CDH19: variants seen among roughly 807,000 people sequenced by gnomAD.
The protein encoded by CDH19 is cadherin 19, also known as cadherin-19.
In CDH19, 67 loss-of-function variants were observed where a neutral mutation model predicts 64.2. The observed-to-expected ratio is 1.04, with a 90% CI of 0.86 to 1.28. CDH19 has a LOEUF of 1.28. CDH19 is among the 50% of genes most tolerant of loss of function. The pLI is 0.00. For missense variants in CDH19, 1,030 were observed against 929.0 expected, an observed-to-expected ratio of 1.11 and a Z score of -1.41; for synonymous variants, 346 against 319.3, an observed-to-expected ratio of 1.08 and a Z score of -0.89.
chr18:66,542,520 T>C lies in CDH19; in HGVS notation c.1214+1451A>G, dbSNP rs1423843469. ...AACAAAATATAAAACAAAAGCAAAATAAATTATAACATAGTAACTGAAAAT... is the reference window on the plus strand; with the variant it reads ...AACAAAATATAAAACAAAAGCAAAACAAATTATAACATAGTAACTGAAAAT... On this transcript the variant is annotated intron_variant, in intron 7 of 11. Transcript: ENST00000262150. Among the ~76,000 whole-genome samples, 3 of 152,060 alleles carry C rather than the reference T, an allele frequency of 2.0e-5. No individual in the cohort carries two copies. The East Asian group carries it at 5.8e-4, about 29-fold the overall frequency.
chr18:66,521,736 A>T (rs6566215), intron 9 of CDH19, among the ~76,000 whole-genome samples: 24,034 of 151,164 alleles, frequency 0.16, 1,980 homozygotes, highest in Admixed American at 0.18. Flanking sequence ...GGAATTTCAC[A>T]GTGTGAAAGT....
chr18:66,531,566 T>G (rs890140619), intron 8 of CDH19, among the ~76,000 whole-genome samples: 1 of 152,114 alleles, frequency 6.6e-6, no homozygotes, highest in African/African-American at 2.4e-5. Flanking sequence ...CAGTGAGCTG[T>G]GATCGGGCTA....
chr18:66,570,169 T>C (rs1172379314), intron 2 of CDH19, among the ~76,000 whole-genome samples: 1 of 151,648 alleles, frequency 6.6e-6, no homozygotes, highest in Admixed American at 6.6e-5. Flanking sequence ...AATTATATCA[T>C]TTCAATATGA....
At chr18:66,557,006 G>T (rs926008181) in intron 3 of CDH19, among the ~76,000 whole-genome samples, 1 of 151,828 alleles carries the variant, frequency 6.6e-6, no homozygotes, top group Non-Finnish European at 1.5e-5. Flanking sequence ...ACAATATGGA[G>T]GTTCCTAAAG....
chr18:66,537,399 A>T (rs1986715289), intron 7 of CDH19, among the ~76,000 whole-genome samples: 1 of 151,920 alleles, frequency 6.6e-6, no homozygotes, highest in Non-Finnish European at 1.5e-5. Context: ...AATAACACAG[A>T]CATGATATAC....
chr18:66,599,985 G>T (rs1599049795), intron 1 of CDH19, among the ~76,000 whole-genome samples: 1 of 151,886 alleles, frequency 6.6e-6, no homozygotes, highest in African/African-American at 2.4e-5. Flanking sequence ...TTATGAAACA[G>T]TCGTGAATAT....
chr18:66,511,818 A>G lies in CDH19; in HGVS notation c.1459-133T>C, dbSNP rs1985505610. On this transcript the variant is annotated intron_variant, in intron 9 of 11. Coordinates refer to ENST00000262150, the MANE Select transcript of CDH19 (RefSeq NM_021153.4). Reference sequence around the variant, plus strand: ...GGACATTGCAGAAAATAACTGTCAAATCAGTGGAGAATATTAAAATGTTTT... The same window carrying G: ...GGACATTGCAGAAAATAACTGTCAAGTCAGTGGAGAATATTAAAATGTTTT... 6 of 627,080 alleles carry G rather than the reference A, an allele frequency of 9.6e-6. No homozygotes were observed. The East Asian group carries it at 1.2e-4, about 12-fold the overall frequency. 38.8% of individuals were successfully genotyped at this position (627,080 alleles called of 1,614,324 possible). A position where few individuals can be genotyped will look rare whatever the true frequency, so the allele number is the denominator to read the frequency against.
At chr18:66,565,832 A>T (rs1363529597) in intron 3 of CDH19, among the ~76,000 whole-genome samples, 1 of 151,882 alleles carries the variant, frequency 6.6e-6, no homozygotes, top group Non-Finnish European at 1.5e-5. Flanking sequence ...TCTCCCTCTC[A>T]TGGAAAGGTT....
At chr18:66,538,928 G>A (rs1296964751) in intron 7 of CDH19, among the ~76,000 whole-genome samples, 1 of 152,036 alleles carries the variant, frequency 6.6e-6, no homozygotes, top group Non-Finnish European at 1.5e-5. Context: ...GCTCAGGTAT[G>A]ACCTTATCTT....
At chr18:66,530,872 A>T (rs1354152872) in intron 8 of CDH19, among the ~76,000 whole-genome samples, 1 of 152,080 alleles carries the variant, frequency 6.6e-6, no homozygotes, top group Non-Finnish European at 1.5e-5. Context: ...CAGTGTGTCA[A>T]TCCAAACTGT....
At chr18:66,551,776 T>C (rs768839916) in intron 4 of CDH19, among the ~76,000 whole-genome samples, 193 of 152,132 alleles carry the variant, frequency 1.3e-3, no homozygotes, top group Non-Finnish European at 2.1e-3. Flanking sequence ...TATAATATAT[T>C]CAAACTCAAG....
At chr18:66,510,837 T>C (rs1985447532) in intron 10 of CDH19, among the ~76,000 whole-genome samples, 1 of 151,562 alleles carries the variant, frequency 6.6e-6, no homozygotes, top group Non-Finnish European at 1.5e-5. Flanking sequence ...GAACAAAGCT[T>C]AACCTCAGCT....
At chr18:66,511,189 C>A (rs1253995819) in intron 10 of CDH19, among the ~76,000 whole-genome samples, 2 of 10,132 alleles carry the variant, frequency 2.0e-4, no homozygotes, top group Non-Finnish European at 0.013. Context: ...ATCAATCAAG[C>A]TAATATGACT....
intron 1 of CDH19, among the ~76,000 whole-genome samples, chr18:66,598,691 G>C (rs1988965456): frequency 6.6e-6 from 1 of 152,064 alleles, no homozygotes; most frequent in African/African-American, 2.4e-5. Context: ...TCAGGGTGGG[G>C]TGAGGAGAGG....
At chr18:66,582,639 CAAAAA>C (rs11410904) in intron 1 of CDH19, among the ~76,000 whole-genome samples, 2 of 72,894 alleles carry the variant, frequency 2.7e-5, no homozygotes, top group African/African-American at 1.1e-4. Flanking sequence ...TTACTGTCAC[CAAAAA>C]AAAAAAAAAA....
At chr18:66,536,525 G>T (rs1986677730) in intron 7 of CDH19, among the ~76,000 whole-genome samples, 1 of 151,658 alleles carries the variant, frequency 6.6e-6, no homozygotes, top group South Asian at 2.1e-4. Flanking sequence ...TGCACATAAA[G>T]CCCATTTAAA....
In CDH19 at chr18:66,504,865, G is replaced by C. The variant is rs1366272665; in HGVS notation, c.2266C>G (p.Arg756Gly). ...AACATGCATGCTAATCTTTTAAAGC[G>C]AGGTCCCAACTCATTAAGGTAATCA... is the stretch of plus-strand genomic sequence containing the variant. ...SYDYLNELGPRFKRLACMFGS... is the reference protein window; with the variant it reads ...SYDYLNELGPGFKRLACMFGS... Residue 756 changes from arginine to glycine, a missense_variant, in exon 12 of 12, where the codon CGC (arginine) becomes GGC (glycine). By Grantham distance (125) the Arg-to-Gly change is moderately radical. Transcript: ENST00000262150. 3 of 1,610,172 alleles carry C rather than the reference G, an allele frequency of 1.9e-6. No homozygotes were observed. In the Admixed American group the frequency reaches 5.0e-5, roughly 27 times the overall value.
intron 1 of CDH19, among the ~76,000 whole-genome samples, chr18:66,574,057 T>C (rs1051742502): frequency 6.6e-6 from 1 of 151,748 alleles, no homozygotes; most frequent in Admixed American, 6.6e-5. Flanking sequence ...AAGATTTAAA[T>C]ATGTCCACAC....
chr18:66,601,926 A>G (rs1599051403), intron 1 of CDH19, among the ~76,000 whole-genome samples: 1 of 151,938 alleles, frequency 6.6e-6, no homozygotes, highest in Non-Finnish European at 1.5e-5. Context: ...CATTTTGTCA[A>G]TCAGGGGCTG....
Sources: allele counts gnomAD v4.1 joint callset (sites outside exome capture counted in the v4.1 genomes callset), GRCh38; gene constraint gnomAD v4.1.1; transcripts MANE v1.5; gene names NCBI Gene and HGNC (gene_info 2026-07-23, HGNC 2026-07-21).